The following RELB variants were observed in gnomAD, a reference collection of about 807,000 sequenced individuals.
The protein encoded by RELB is transcription factor RelB.
A neutral mutation model predicts 55.4 loss-of-function variants in RELB; 14 were observed. The ratio of observed to expected loss-of-function variants is 0.25; its 90% CI spans 0.17 to 0.40. The LOEUF is 0.40. Among genes scored for constraint, RELB ranks in the 10% least tolerant of loss-of-function variants. The probability of loss-of-function intolerance (pLI) is 1.00; values close to 1 mark genes in which losing one functional copy is unlikely to be tolerated. For missense variants in RELB, 669 were observed against 830.7 expected (o/e 0.81, Z 2.39); for synonymous variants, 409 against 371.3 (o/e 1.10, Z -1.17).
chr19:45,005,634 C>T (rs1263141772), intron 2 of RELB, among the ~76,000 whole-genome samples: 2 of 151,990 alleles, frequency 1.3e-5, no homozygotes, highest in Admixed American at 6.6e-5. Context: ...GACAGAGTCT[C>T]GCTCTGTCAC....
intron 2 of RELB, among the ~76,000 whole-genome samples, chr19:45,008,183 TAAATAAAATA>T (rs529347952): frequency 1.5e-4 from 22 of 151,116 alleles, no homozygotes; most frequent in East Asian, 3.9e-4. Flanking sequence ...AAAATAAAAA[TAAATAAAATA>T]AAATAAAATA....
chr19:45,015,377 G>A (rs760409128), intron 4 of RELB, among the ~76,000 whole-genome samples: 29 of 152,132 alleles, frequency 1.9e-4, no homozygotes, highest in Non-Finnish European at 3.4e-4. Flanking sequence ...AGTAAGACCC[G>A]AGAGGTTTAT....
intron 11 of RELB, 75 bp from the exon 12 acceptor site, chr19:45,037,330 A>T: frequency 2.9e-6 from 4 of 1,398,946 alleles, no homozygotes; most frequent in Non-Finnish European, 3.8e-6. Flanking sequence ...TGCAGGGAGT[A>T]GGGCATTTGA....
At chr19:45,037,329 T>G in intron 11 of RELB, 76 bp from the exon 12 acceptor site, 2 of 1,393,638 alleles carry the variant, frequency 1.4e-6, no homozygotes, top group Admixed American at 2.6e-5. Context: ...TTGCAGGGAG[T>G]AGGGCATTTG....
chr19:45,030,934 C>A (rs968631616), intron 8 of RELB, among the ~76,000 whole-genome samples: 1 of 152,278 alleles, frequency 6.6e-6, no homozygotes, highest in African/African-American at 2.4e-5. Context: ...AGCTGTGTGA[C>A]CTTGGACAAG....
chr19:45,030,544 A>G (rs960345171), intron 8 of RELB, among the ~76,000 whole-genome samples: 2 of 152,158 alleles, frequency 1.3e-5, no homozygotes, highest in Non-Finnish European at 2.9e-5. Flanking sequence ...AGGCACGAGA[A>G]TCACTTGAAC....
At chr19:45,023,824 C>T (rs907480001) in intron 5 of RELB, among the ~76,000 whole-genome samples, 1 of 137,074 alleles carries the variant, frequency 7.3e-6, no homozygotes, top group African/African-American at 2.7e-5. Flanking sequence ...GATCTCTGCT[C>T]ACTGCAATCT....
chr19:45,020,002 C>T (rs1971464051), intron 4 of RELB, among the ~76,000 whole-genome samples: 1 of 151,898 alleles, frequency 6.6e-6, no homozygotes, highest in African/African-American at 2.4e-5. Flanking sequence ...CAGGTGATCC[C>T]CCACCTCGGC....
chr19:45,021,973 T>C, intron 4 of RELB, 80 bp from the exon 5 acceptor site: 1 of 1,400,318 alleles, frequency 7.1e-7, no homozygotes, highest in Non-Finnish European at 9.6e-7. Context: ...ATTGGGGAGC[T>C]GCCAAGGAAG....
At chr19:45,002,814 A>AG (rs1277399078) in intron 1 of RELB, 135 bp from the exon 2 acceptor site, 6 of 663,760 alleles carry the variant, frequency 9.0e-6, no homozygotes, top group African/African-American at 3.6e-5. Context: ...GGCCAGACGC[A>AG]GGGGGGCAGT....
chr19:45,007,434 G>A (rs934352670), intron 2 of RELB, among the ~76,000 whole-genome samples: 5 of 152,176 alleles, frequency 3.3e-5, no homozygotes, highest in African/African-American at 1.2e-4. Flanking sequence ...TAGTTCCTGA[G>A]GTAGGAGCTC....
At position 45,012,249 on chromosome 19, in the gene RELB, G is replaced by T; in HGVS notation, c.477G>T (p.Glu159Asp). The change falls in exon 4 of 12, where the codon GAG (glutamate) becomes GAT (aspartate). Residue 159 changes from glutamate (E) to aspartate (D), a missense_variant. Physicochemically the swap from Glu to Asp is conservative, Grantham distance 45. Transcript: ENST00000221452. Reference sequence around the variant, plus strand: ...GCATCCTTGGGGAGAGCAGCACCGAGGCCAGCAAGACGCTGCCCGCCATCG... The same window carrying T: ...GCATCCTTGGGGAGAGCAGCACCGATGCCAGCAAGACGCTGCCCGCCATCG... ...AGSILGESST[E>D]ASKTLPAIEL... 6.9e-7 allele frequency: 1 copy of T among 1,442,088 alleles called. No individual in the cohort carries two copies. The highest frequency in any genetic ancestry group is 9.0e-7 in the Non-Finnish European group (1 of 1,108,466). The allele number at this position is 1,442,088 out of a possible 1,614,324, so 89.3% of individuals were successfully genotyped here.
Position 45,012,104 on chromosome 19 carries a change from T to G in RELB, c.332T>G (p.Leu111Arg). 4.5e-6 allele frequency: 7 copies of G among 1,555,682 alleles called. No individual in the cohort carries two copies. Among genetic ancestry groups the G allele is most frequent in the Non-Finnish European group, 4.3e-6 (5 of 1,158,168 alleles). The change falls in exon 4 of 12, where the codon CTG (leucine) becomes CGG (arginine). Residue 111 changes from leucine to arginine, a missense_variant. This residue lies in a region of RELB where 323 missense variants were observed against 368.5 expected (regional missense o/e 0.88). Transcript: ENST00000221452. ...ACGCCGCCGCCTTGGGGCTGCCCCC[T>G]GGGCCGACTAGTGTCCCCAGCGCCG... ...PATPPPWGCP[L>R]GRLVSPAPGP...
rs1349505333 is a variant in RELB at position 45,037,969 on chromosome 19, A to C, written c.*179A>C. On this transcript the variant is annotated 3_prime_UTR_variant, in exon 12 of 12. Coordinates refer to ENST00000221452, the MANE Select transcript of RELB (RefSeq NM_006509.4). The stretch of plus-strand genomic sequence containing the variant: ...GTTTCCCCTTGAGCCCATTTTACAG[A>C]TGAGGAAACTGAGTCCGGAGAGGAA... The C allele has an allele frequency of 9.7e-5, 52 of 537,246 alleles. No homozygotes were observed. Among genetic ancestry groups the C allele is most frequent in the Non-Finnish European group, 1.4e-4 (46 of 335,866 alleles). The allele number at this position is 537,246 out of a possible 1,614,324, so 33.3% of individuals were successfully genotyped here.
chr19:45,021,643 C>T (rs540044500), intron 4 of RELB, among the ~76,000 whole-genome samples: 2 of 119,252 alleles, frequency 1.7e-5, no homozygotes, highest in South Asian at 3.1e-4. Flanking sequence ...GTCAAGAACT[C>T]GGCTCACTGC....
At chr19:45,020,758 C>T (rs1174548360) in intron 4 of RELB, among the ~76,000 whole-genome samples, 1 of 151,102 alleles carries the variant, frequency 6.6e-6, no homozygotes. Context: ...GGGGTTTCAC[C>T]ATGTTAGCCA....
In RELB at chr19:45,002,408, A is replaced by C. The variant is rs552333292; in HGVS notation, c.107-541A>C. On this transcript the variant is annotated intron_variant, in intron 1 of 11. Transcript: ENST00000221452. ...CGCTCTGTCGCCCAGGCTGGAGTGC[A>C]GTGGCACGATCTAGGCTCACTGCAA... Among the ~76,000 whole-genome samples, 4 of 152,172 alleles carry C rather than the reference A, an allele frequency of 2.6e-5. No individual in the cohort carries two copies. In the East Asian group the frequency reaches 5.8e-4, roughly 22 times the overall value.
chr19:45,008,000 C>CAAAAAAAAAAAAAAAAA (rs57007961), intron 2 of RELB, among the ~76,000 whole-genome samples: 2 of 63,014 alleles, frequency 3.2e-5, no homozygotes, highest in African/African-American at 5.7e-5. Context: ...GCTAAAAATA[C>CAAAAAAAAAAAAAAAAA]AAAAAAAAAA....
At position 45,036,438 on chromosome 19, in the gene RELB, C is replaced by A. The variant is rs560469705; in HGVS notation, c.1355-967C>A. Among the ~76,000 whole-genome samples, 4 of 152,244 alleles carry A rather than the reference C, an allele frequency of 2.6e-5. No homozygotes were observed. In the South Asian group the frequency reaches 8.3e-4, roughly 32 times the overall value. On this transcript the variant is annotated intron_variant, in intron 11 of 11. Coordinates refer to ENST00000221452, the MANE Select transcript of RELB (RefSeq NM_006509.4). ...TATTTTTTCTTAAGTCCCCATTATG[C>A]CTGAGAATGACATTTATTTTTTCTG... is the stretch of plus-strand genomic sequence containing the variant.
Sources: allele counts gnomAD v4.1 joint callset (sites outside exome capture counted in the v4.1 genomes callset), GRCh38; gene constraint gnomAD v4.1.1; regional missense constraint gnomAD v4.1.1; transcripts MANE v1.5; gene names NCBI Gene and HGNC (gene_info 2026-07-23, HGNC 2026-07-21).